PARPBP: variants seen among roughly 807,000 people sequenced by gnomAD.
PARPBP encodes the protein PARP1 binding protein, also known as PCNA-interacting partner.
In PARPBP, 52 loss-of-function variants were observed where a neutral mutation model predicts 50.0. That is an observed-to-expected ratio of 1.04 (90% confidence interval 0.83 to 1.31). The LOEUF (loss-of-function observed/expected upper bound fraction) is 1.31, where lower values mean the gene tolerates loss of function less well. Among genes scored for constraint, PARPBP ranks in the 50% most tolerant of loss-of-function variants. The pLI, the probability that PARPBP is intolerant of heterozygous loss-of-function variation, is 0.00. For synonymous variants in PARPBP, 244 were observed against 232.1 expected, an observed-to-expected ratio of 1.05 and a Z score of -0.47; for missense variants, 697 against 672.0, an observed-to-expected ratio of 1.04 and a Z score of -0.41.
intron 6 of PARPBP, among the ~76,000 whole-genome samples, chr12:102,169,560 T>C (rs1277877622): frequency 6.6e-6 from 1 of 152,208 alleles, no homozygotes; most frequent in Admixed American, 6.5e-5. Flanking sequence ...ACATTTTTTA[T>C]GTTCTTTCTC....
chr12:102,142,884 A>T (rs1437158012), intron 2 of PARPBP, among the ~76,000 whole-genome samples: 2 of 152,190 alleles, frequency 1.3e-5, no homozygotes, highest in Non-Finnish European at 2.9e-5. Flanking sequence ...CGGCCGTATG[A>T]GGTGTCAGTC....
intron 9 of PARPBP, among the ~76,000 whole-genome samples, chr12:102,192,512 A>T (rs1330202499): frequency 1.3e-5 from 2 of 152,104 alleles, no homozygotes; most frequent in Non-Finnish European, 2.9e-5. Flanking sequence ...TGGCTCAGTC[A>T]AGTTCATATC....
At position 102,195,973 on chromosome 12, in the gene PARPBP, A is replaced by G. The variant is rs764313307; in HGVS notation, c.1422A>G (p.Gly474=). The change falls in exon 11 of 11, where the codon GGA becomes GGG. Residue 474 remains glycine, a synonymous_variant. Transcript: ENST00000327680. ...DLSEGVNPSV[G]RSTIGTSFGN... is the part of the protein sequence containing the mutation. Reference sequence around the variant, plus strand: ...CAGAGGGTGTAAATCCATCTGTTGGAAGATCAACAATTGGAACGAGTTTTG... The same window carrying G: ...CAGAGGGTGTAAATCCATCTGTTGGGAGATCAACAATTGGAACGAGTTTTG... The G allele has an allele frequency of 7.5e-6, 12 of 1,602,650 alleles. No individual in the cohort carries two copies. The South Asian group carries it at 1.2e-4, about 16-fold the overall frequency.
intron 2 of PARPBP, among the ~76,000 whole-genome samples, chr12:102,138,755 G>T (rs1291270475): frequency 3.3e-5 from 5 of 151,994 alleles, no homozygotes; most frequent in African/African-American, 7.2e-5. Flanking sequence ...ATCTTTTCCC[G>T]ATTTCTTGTT....
At chr12:102,156,826 G>T (rs1423789929) in intron 4 of PARPBP, among the ~76,000 whole-genome samples, 1 of 152,022 alleles carries the variant, frequency 6.6e-6, no homozygotes, top group African/African-American at 2.4e-5. Context: ...ATTTTTAGTA[G>T]AGACCAGGTT....
intron 2 of PARPBP, among the ~76,000 whole-genome samples, chr12:102,142,868 G>A (rs765798266): frequency 6.6e-6 from 1 of 152,202 alleles, no homozygotes; most frequent in Non-Finnish European, 1.5e-5. Context: ...GTCTCAGAGG[G>A]ACACCCGGCC....
intron 2 of PARPBP, among the ~76,000 whole-genome samples, chr12:102,136,613 G>T (rs1459896067): frequency 6.6e-6 from 1 of 152,136 alleles, no homozygotes; most frequent in Admixed American, 6.5e-5. Flanking sequence ...TTAATTCAGT[G>T]TGAAAGTTCA....
Position 102,151,755 on chromosome 12 carries a change from G to A in PARPBP, c.388-2114G>A, listed in dbSNP as rs996382139. On this transcript the variant is annotated intron_variant, in intron 3 of 10. Transcript: ENST00000327680. The stretch of plus-strand genomic sequence containing the variant: ...TGCCTGGGATTCCCATCACGGTCCA[G>A]AAGAAGAGACGAGACCTGAAGAAGC... 2.0e-6 allele frequency: 3 copies of A among 1,535,574 alleles called. No homozygotes were observed. The African/African-American group carries it at 4.1e-5, about 21-fold the overall frequency.
intron 6 of PARPBP, 111 bp from the exon 7 acceptor site, chr12:102,175,372 T>A: frequency 3.1e-6 from 2 of 639,134 alleles, no homozygotes; most frequent in South Asian, 6.9e-5. Flanking sequence ...ATATATAAGA[T>A]CAAAGCTATA....
intron 2 of PARPBP, among the ~76,000 whole-genome samples, chr12:102,132,066 A>G (rs908733837): frequency 1.3e-5 from 2 of 152,142 alleles, no homozygotes; most frequent in African/African-American, 4.8e-5. Context: ...TAGCCAGGCC[A>G]TGGTGGCATG....
At chr12:102,168,234 A>G (rs1888346051) in intron 6 of PARPBP, among the ~76,000 whole-genome samples, 2 of 152,102 alleles carry the variant, frequency 1.3e-5, no homozygotes, top group South Asian at 4.1e-4. Flanking sequence ...TCAATCCAAT[A>G]TGGTTTGTTA....
At chr12:102,180,472 A>G (rs993015617) in intron 8 of PARPBP, among the ~76,000 whole-genome samples, 1 of 152,182 alleles carries the variant, frequency 6.6e-6, no homozygotes, top group African/African-American at 2.4e-5. Flanking sequence ...GGAGGCCAAG[A>G]CAGGAGCATT....
At chr12:102,131,632 A>G (rs779501012) in intron 2 of PARPBP, among the ~76,000 whole-genome samples, 42 of 152,366 alleles carry the variant, frequency 2.8e-4, no homozygotes, top group Non-Finnish European at 3.7e-4. Context: ...AATGTGGTAC[A>G]TATACATCAT....
intron 1 of PARPBP, chr12:102,120,511 C>G (rs1196071150): frequency 4.4e-6 from 2 of 456,552 alleles, no homozygotes; most frequent in Middle Eastern, 3.3e-4. Context: ...GAGGGTTCGT[C>G]TGCAGCTTGG....
At chr12:102,141,201 C>T (rs1884532691) in intron 2 of PARPBP, among the ~76,000 whole-genome samples, 1 of 152,168 alleles carries the variant, frequency 6.6e-6, no homozygotes, top group Admixed American at 6.6e-5. Context: ...GGATAGTTAG[C>T]TCTTCTTGTT....
At chr12:102,133,661 T>C (rs553532856) in intron 2 of PARPBP, among the ~76,000 whole-genome samples, 13 of 152,128 alleles carry the variant, frequency 8.5e-5, no homozygotes, top group Non-Finnish European at 1.8e-4. Context: ...AAAATGAGTT[T>C]GGAAGTATTC....
intron 2 of PARPBP, among the ~76,000 whole-genome samples, chr12:102,140,849 A>T (rs936335298): frequency 6.6e-5 from 10 of 152,186 alleles, no homozygotes; most frequent in Non-Finnish European, 5.9e-5. Flanking sequence ...TCTGAGAGAC[A>T]GTCTGTTAGA....
chr12:102,123,920 A>G lies in PARPBP; in HGVS notation c.32A>G (p.Asp11Gly), dbSNP rs1328022600. 7 of 1,535,264 alleles carry G rather than the reference A, an allele frequency of 4.6e-6. No homozygotes were observed. Among genetic ancestry groups the G allele is most frequent in the Non-Finnish European group, 6.1e-6 (7 of 1,146,178 alleles). The change falls in exon 2 of 11, where the codon GAT (aspartate) becomes GGT (glycine). Residue 11 changes from aspartate to glycine, a missense_variant. Transcript: ENST00000327680. ...GTGTTTAATCAGAAGTCTGTCTCGG[A>G]TATGATTAAAGAGTTTCGAAAAAAT... MAVFNQKSVS[D>G]MIKEFRKNWR...
At chr12:102,133,750 AGT>A (rs1883204713) in intron 2 of PARPBP, among the ~76,000 whole-genome samples, 1 of 152,178 alleles carries the variant, frequency 6.6e-6, no homozygotes, top group African/African-American at 2.4e-5. Context: ...CCACAAAACA[AGT>A]CTTAACAAAT....
Sources: gnomAD v4.1 joint callset for allele counts (sites outside exome capture counted in the v4.1 genomes callset) on GRCh38, gnomAD v4.1.1 for gene constraint, MANE v1.5 for transcripts, NCBI Gene and HGNC (gene_info 2026-07-23, HGNC 2026-07-21) for gene names.